The following THRB variants were observed in gnomAD, a reference collection of about 807,000 sequenced individuals.
THRB encodes the protein thyroid hormone receptor beta, also known as nuclear receptor subfamily 1 group A member 2.
A neutral mutation model predicts 47.8 loss-of-function variants in THRB; 12 were observed. The ratio of observed to expected loss-of-function variants is 0.25; its 90% CI spans 0.16 to 0.41. The LOEUF is 0.41. Ranked by LOEUF, THRB falls within the 10% of genes least tolerant of loss-of-function variation. The pLI is 1.00. For synonymous variants in THRB, 218 were observed against 212.2 expected (o/e 1.03, Z -0.24); for missense variants, 348 against 589.2 (o/e 0.59, Z 4.24).
At chr3:24,351,150 G>GT (rs956232556) in intron 1 of THRB, among the ~76,000 whole-genome samples, 1 of 151,850 alleles carries the variant, frequency 6.6e-6, no homozygotes, top group East Asian at 1.9e-4. Context: ...CAAGAAATCA[G>GT]TTTTTTCTCT....
intron 1 of THRB, among the ~76,000 whole-genome samples, chr3:24,366,918 A>T (rs1432713658): frequency 6.6e-6 from 1 of 151,776 alleles, no homozygotes; most frequent in African/African-American, 2.4e-5. Context: ...CCACCACACC[A>T]TTCCTAGAAG....
At chr3:24,398,791 C>G (rs968740181) in intron 1 of THRB, among the ~76,000 whole-genome samples, 1 of 152,032 alleles carries the variant, frequency 6.6e-6, no homozygotes, top group African/African-American at 2.4e-5. Context: ...AAGTTTATTG[C>G]GGCACTATTC....
intron 1 of THRB, among the ~76,000 whole-genome samples, chr3:24,405,756 T>C (rs369245526): frequency 2.8e-4 from 42 of 151,850 alleles, no homozygotes; most frequent in South Asian, 2.1e-3. Context: ...AAGTATTTTG[T>C]CACATTACTG....
At chr3:24,212,577 CAAAAAAAAAAAA>C (rs1199010853) in intron 4 of THRB, among the ~76,000 whole-genome samples, 8 of 84,098 alleles carry the variant, frequency 9.5e-5, no homozygotes, top group East Asian at 3.8e-4. Flanking sequence ...GACTCCGTCT[CAAAAAAAAAAAA>C]AAAAAAAAAG....
At chr3:24,331,274 C>T (rs2061910273) in intron 2 of THRB, among the ~76,000 whole-genome samples, 1 of 150,380 alleles carries the variant, frequency 6.6e-6, no homozygotes, top group African/African-American at 2.5e-5. Flanking sequence ...AAATTAAAGA[C>T]AAAAAGAAAG....
chr3:24,490,915 T>C (rs1042021949), intron 1 of THRB, among the ~76,000 whole-genome samples: 7 of 152,194 alleles, frequency 4.6e-5, no homozygotes, highest in African/African-American at 1.7e-4. Context: ...TTCTGCAATT[T>C]TTTTCCATTC....
chr3:24,431,550 T>C (rs2070424197), intron 1 of THRB, among the ~76,000 whole-genome samples: 1 of 152,110 alleles, frequency 6.6e-6, no homozygotes, highest in South Asian at 2.1e-4. Flanking sequence ...GAGGGAGTGT[T>C]GACCAGTTCA....
chr3:24,289,706 T>C (rs1466213581), intron 3 of THRB, among the ~76,000 whole-genome samples: 3 of 152,264 alleles, frequency 2.0e-5, no homozygotes, highest in Non-Finnish European at 4.4e-5. Context: ...AATTGCAGCC[T>C]AGGCTAAAAT....
At chr3:24,139,153 G>A (rs543754871) in intron 8 of THRB, among the ~76,000 whole-genome samples, 2 of 152,252 alleles carry the variant, frequency 1.3e-5, no homozygotes, top group South Asian at 2.1e-4. Flanking sequence ...AGGCATTTCT[G>A]TAGCCTCAGA....
intron 4 of THRB, among the ~76,000 whole-genome samples, chr3:24,192,430 C>T (rs1054261573): frequency 1.3e-5 from 2 of 152,070 alleles, no homozygotes; most frequent in African/African-American, 2.4e-5. Flanking sequence ...AATTGCATCT[C>T]GCAAAGCTTA....
At chr3:24,407,391 G>T (rs966455905) in intron 1 of THRB, among the ~76,000 whole-genome samples, 1 of 151,512 alleles carries the variant, frequency 6.6e-6, no homozygotes, top group Non-Finnish European at 1.5e-5. Context: ...TTTCATGCGC[G>T]ATTCATTCCC....
In THRB at chr3:24,123,140, G is replaced by T; in HGVS notation, c.1145-15C>A. On this transcript the variant is annotated splice_polypyrimidine_tract_variant and intron_variant, in intron 10 of 10. Transcript: ENST00000646209. Reference sequence around the variant, plus strand: ...CCCCGGGCGATCTGCGGGGAAGAGAGAAGATGGACATTGATTCAGAGATGG... The same window carrying T: ...CCCCGGGCGATCTGCGGGGAAGAGATAAGATGGACATTGATTCAGAGATGG... 2 of 1,613,988 alleles carry T rather than the reference G, an allele frequency of 1.2e-6. No homozygotes were observed. Among genetic ancestry groups the T allele is most frequent in the Non-Finnish European group, 1.7e-6 (2 of 1,179,960 alleles).
intron 1 of THRB, among the ~76,000 whole-genome samples, chr3:24,465,387 G>A (rs928078263): frequency 6.6e-6 from 1 of 152,178 alleles, no homozygotes; most frequent in Non-Finnish European, 1.5e-5. Flanking sequence ...ATGAGGTGAA[G>A]TGGGAATCTG....
chr3:24,185,945 A>T (rs1220863771), intron 5 of THRB, among the ~76,000 whole-genome samples: 1 of 152,148 alleles, frequency 6.6e-6, no homozygotes, highest in Non-Finnish European at 1.5e-5. Flanking sequence ...GTGATCTGTT[A>T]TTAGGCAGTG....
intron 9 of THRB, among the ~76,000 whole-genome samples, chr3:24,128,238 C>T (rs761810448): frequency 6.6e-6 from 1 of 152,144 alleles, no homozygotes; most frequent in East Asian, 1.9e-4. Context: ...GCTCTTGTAG[C>T]CTCTTGGCAC....
At chr3:24,419,302 A>G (rs1408867962) in intron 1 of THRB, among the ~76,000 whole-genome samples, 1 of 151,852 alleles carries the variant, frequency 6.6e-6, no homozygotes, top group East Asian at 2.0e-4. Context: ...CAGACAGCTA[A>G]AGGCCCATGG....
intron 1 of THRB, among the ~76,000 whole-genome samples, chr3:24,374,004 CTG>C (rs1281954715): frequency 6.6e-6 from 1 of 151,638 alleles, no homozygotes; most frequent in Admixed American, 6.6e-5. Flanking sequence ...GCTGGAGTCT[CTG>C]TGAATCTGGT....
intron 5 of THRB, among the ~76,000 whole-genome samples, chr3:24,179,934 G>C (rs530920535): frequency 6.6e-6 from 1 of 152,124 alleles, no homozygotes; most frequent in South Asian, 2.1e-4. Flanking sequence ...TGAGCATGTC[G>C]TGTGTAAGAT....
intron 1 of THRB, among the ~76,000 whole-genome samples, chr3:24,363,873 G>A (rs1445317469): frequency 6.6e-6 from 1 of 152,024 alleles, no homozygotes; most frequent in African/African-American, 2.4e-5. Flanking sequence ...AGAAAAATGT[G>A]GCAGTATTCT....
Sources: gnomAD v4.1 joint callset for allele counts (sites outside exome capture counted in the v4.1 genomes callset) on GRCh38, gnomAD v4.1.1 for gene constraint, MANE v1.5 for transcripts, NCBI Gene and HGNC (gene_info 2026-07-23, HGNC 2026-07-21) for gene names.